Variants in ZNF225 observed in about 807,000 individuals in gnomAD.
ZNF225 encodes zinc finger protein 225.
In ZNF225, 6 loss-of-function variants were observed where a neutral mutation model predicts 12.0. The ratio of observed to expected loss-of-function variants is 0.50; its 90% confidence interval spans 0.27 to 0.98. The LOEUF (loss-of-function observed/expected upper bound fraction) is 0.98, where lower values mean the gene tolerates loss of function less well. Among genes scored for constraint, ZNF225 ranks in the 50% least tolerant of loss-of-function variants. ZNF225 has a pLI of 0.11. For missense variants in ZNF225, 763 were observed against 848.2 expected (o/e 0.90, Z 1.25); for synonymous variants, 271 against 283.2 (o/e 0.96, Z 0.43).
intron 4 of ZNF225, chr19:44,129,951 T>C (rs1380358726): frequency 6.6e-6 from 1 of 152,252 alleles, no homozygotes; most frequent in Non-Finnish European, 1.5e-5. Flanking sequence ...TGGCTTCTCC[T>C]TAAAGTTCAC....
rs774793136 is a variant in ZNF225, at chr19:44,132,679, T to C, written c.2065T>C (p.Tyr689His). ...TSKCEDCGKR[Y>H]KRRLNLDTLL... is the part of the protein sequence containing the mutation. ...TAAATGTGAGGACTGTGGGAAGCGC[T>C]ACAAGAGGCGCTTGAATCTTGATAC... Residue 689 changes from tyrosine to histidine, a missense_variant, in exon 5 of 5, where the codon TAC (tyrosine) becomes CAC (histidine). By Grantham distance (83) the Tyr-to-His change is moderately conservative. Transcript: ENST00000262894. The C allele has an allele frequency of 1.9e-6, 3 of 1,609,712 alleles. No homozygotes were observed. The highest frequency in any genetic ancestry group is 2.5e-6 in the Non-Finnish European group (3 of 1,178,840).
At chr19:44,121,144 G>A (rs576639783) in intron 4 of ZNF225, among the ~76,000 whole-genome samples, 1 of 152,158 alleles carries the variant, frequency 6.6e-6, no homozygotes, top group South Asian at 2.1e-4. Flanking sequence ...TGATCCACCC[G>A]CCTCGGCCTC....
rs181597685 is a variant in ZNF225, at chr19:44,133,959, G to T, written c.*1224G>T. 4.9e-4 allele frequency: 74 copies of T among 151,830 alleles called. No individual in the cohort carries two copies. The highest frequency in any genetic ancestry group is 1.6e-3 in the African/African-American group (68 of 41,366). 9.4% of individuals were successfully genotyped at this position (151,830 alleles called of 1,614,324 possible). On this transcript the variant is annotated 3_prime_UTR_variant, in exon 5 of 5. Coordinates refer to ENST00000262894, the MANE Select transcript of ZNF225 (RefSeq NM_013362.4). ...TAATGTTCTAGACTGTATCTTTTCA[G>T]GATGCTAGGTACTTTATGAAGATCC...
chr19:44,124,312 T>C (rs1427672242), intron 4 of ZNF225, among the ~76,000 whole-genome samples: 2 of 152,208 alleles, frequency 1.3e-5, no homozygotes, highest in Admixed American at 1.3e-4. Context: ...TTCCATGTAT[T>C]TGCATGGTTT....
chr19:44,132,715 T>C lies in ZNF225; in HGVS notation c.2101T>C (p.Leu701=). ...RRLNLDTLLS[L]FLNDT is the part of the protein sequence containing the mutation. The stretch of plus-strand genomic sequence containing the variant: ...CTTGAATCTTGATACGCTTTTGTCA[T>C]TATTTTTAAATGACACATAACTGTT... Residue 701 remains leucine (L), a synonymous_variant, in exon 5 of 5, where the codon TTA becomes CTA. Coordinates refer to ENST00000262894, the MANE Select transcript of ZNF225 (RefSeq NM_013362.4). 1 of 1,600,888 alleles carries C rather than the reference T, an allele frequency of 6.2e-7. No homozygotes were observed. Among genetic ancestry groups the C allele is most frequent in the South Asian group, 1.1e-5 (1 of 89,000 alleles).
chr19:44,121,250 G>A (rs1325496113), intron 4 of ZNF225, among the ~76,000 whole-genome samples: 2 of 152,126 alleles, frequency 1.3e-5, no homozygotes, highest in Admixed American at 6.5e-5. Flanking sequence ...ATGATGTTTG[G>A]TTTTCCATTC....
At chr19:44,121,579 C>T (rs554223656) in intron 4 of ZNF225, among the ~76,000 whole-genome samples, 1 of 152,192 alleles carries the variant, frequency 6.6e-6, no homozygotes, top group African/African-American at 2.4e-5. Context: ...ACATTGTTTT[C>T]CATAGTGGCT....
At chr19:44,117,943 T>C (rs534464017) in intron 2 of ZNF225, among the ~76,000 whole-genome samples, 77 of 152,162 alleles carry the variant, frequency 5.1e-4, no homozygotes, top group Non-Finnish European at 8.5e-4. Flanking sequence ...CACTTGAACC[T>C]GGGAATCGGA....
intron 4 of ZNF225, among the ~76,000 whole-genome samples, chr19:44,120,545 T>C (rs1267300764): frequency 2.6e-5 from 4 of 152,192 alleles, no homozygotes; most frequent in African/African-American, 9.7e-5. Context: ...TTTCTGTCTT[T>C]TGATGGCTGC....
In ZNF225 at chr19:44,118,279, T is replaced by C. The variant is rs1378076994; in HGVS notation, c.107T>C (p.Val36Ala). The C allele has an allele frequency of 2.5e-6, 4 of 1,612,506 alleles. No individual in the cohort carries two copies. The highest frequency in any genetic ancestry group is 3.4e-6 in the Non-Finnish European group (4 of 1,179,442). ...DLAQRKLYRE[V>A]MLENFRNLLS... ...GCCCAGAGGAAACTGTACCGAGAAG[T>C]GATGCTGGAGAACTTCAGGAACCTG... The change falls in exon 3 of 5, where the codon GTG (valine) becomes GCG (alanine). Residue 36 changes from valine (V) to alanine (A), a missense_variant. Coordinates refer to ENST00000262894, the MANE Select transcript of ZNF225 (RefSeq NM_013362.4).
At chr19:44,128,921 T>C in intron 4 of ZNF225, 1 of 490,510 alleles carries the variant, frequency 2.0e-6, no homozygotes, top group South Asian at 1.0e-4. Context: ...AATGAGACAG[T>C]CCAATAACTT....
At chr19:44,118,338 G>T in intron 3 of ZNF225, 24 bp downstream of exon 3, 1 of 1,610,160 alleles carries the variant, frequency 6.2e-7, no homozygotes, top group Non-Finnish European at 8.5e-7. Flanking sequence ...CCCTTTGTAA[G>T]GGAACATCAG....
chr19:44,132,721 T>G lies in ZNF225; in HGVS notation c.2107T>G (p.Leu703Val), dbSNP rs1360132248. ...LNLDTLLSLF[L>V]NDT ...TCTTGATACGCTTTTGTCATTATTT[T>G]TAAATGACACATAACTGTTGTACTC... Residue 703 changes from leucine (L) to valine (V), a missense_variant, in exon 5 of 5, where the codon TTA (leucine) becomes GTA (valine). Leu to Val is a conservative substitution (Grantham distance 32). Transcript: ENST00000262894. 6.3e-7 allele frequency: 1 copy of G among 1,596,710 alleles called. No homozygotes were observed. The highest frequency in any genetic ancestry group is 1.3e-5 in the African/African-American group (1 of 74,190).
intron 4 of ZNF225, chr19:44,129,272 A>G: frequency 2.4e-6 from 1 of 412,644 alleles, no homozygotes; most frequent in Non-Finnish European, 4.1e-6. Context: ...CTCACAGAAG[A>G]CTGCTGTCAC....
At position 44,121,785 on chromosome 19, in the gene ZNF225, A is replaced by G. The variant is rs539145928; in HGVS notation, c.235+3211A>G. 8.5e-5 allele frequency among the ~76,000 whole-genome samples: 13 copies of G among 152,244 alleles called. No individual in the cohort carries two copies. In the South Asian group the frequency reaches 2.1e-3, roughly 24 times the overall value. On this transcript the variant is annotated intron_variant, in intron 4 of 4. Transcript: ENST00000262894. Reference sequence around the variant, plus strand: ...TTTAAAATATGTTTGTTGGCCATCTATATCTTCTTTTGAAAATTGTCTATT... The same window carrying G: ...TTTAAAATATGTTTGTTGGCCATCTGTATCTTCTTTTGAAAATTGTCTATT...
chr19:44,118,853 G>T (rs1415662562), intron 4 of ZNF225, among the ~76,000 whole-genome samples: 2 of 148,410 alleles, frequency 1.3e-5, no homozygotes, highest in Non-Finnish European at 3.0e-5. Flanking sequence ...GTCTCGCTGT[G>T]TCGCCCAGGC....
chr19:44,120,194 G>A (rs1285230336), intron 4 of ZNF225, among the ~76,000 whole-genome samples: 3 of 152,300 alleles, frequency 2.0e-5, no homozygotes, highest in African/African-American at 2.4e-5. Context: ...TCCAGCCTTG[G>A]TGACAAAGTA....
intron 4 of ZNF225, chr19:44,129,186 T>G (rs1968199166): frequency 1.0e-6 from 1 of 991,484 alleles, no homozygotes; most frequent in African/African-American, 1.7e-5. Flanking sequence ...TCTGAAAATG[T>G]AGACATAAAT....
intron 4 of ZNF225, chr19:44,129,568 C>T (rs1968206626): frequency 6.6e-6 from 1 of 152,346 alleles, no homozygotes; most frequent in South Asian, 2.1e-4. Flanking sequence ...CTGTTAATTA[C>T]ATAGCCATTA....
Sources: gnomAD v4.1 joint callset for allele counts (sites outside exome capture counted in the v4.1 genomes callset) on GRCh38, gnomAD v4.1.1 for gene constraint, MANE v1.5 for transcripts, NCBI Gene and HGNC (gene_info 2026-07-23, HGNC 2026-07-21) for gene names.